The following FMR1 variants were observed in gnomAD, a reference collection of about 807,000 sequenced individuals.
FMR1 encodes the protein FMRP translational regulator 1.
Under a neutral mutation model 50.6 loss-of-function variants are expected in FMR1, and 13 were observed. The observed-to-expected ratio is 0.26, with a 90% CI of 0.17 to 0.41. FMR1 has a LOEUF of 0.41. FMR1 is among the 10% of genes least tolerant of loss of function. The pLI is 1.00. For missense variants in FMR1, 316 were observed against 491.3 expected, an observed-to-expected ratio of 0.64 and a Z score of 3.37; for synonymous variants, 138 against 164.1, an observed-to-expected ratio of 0.84 and a Z score of 1.22.
intron 13 of FMR1, among the ~76,000 whole-genome samples, chrX:147,940,888 C>T (rs782560187): frequency 9.0e-5 from 10 of 111,714 alleles, no homozygotes; most frequent in Admixed American, 3.8e-4. Flanking sequence ...TTTTATACTT[C>T]CCTTTATTCT....
intron 13 of FMR1, among the ~76,000 whole-genome samples, chrX:147,941,909 G>A (rs1267598767): frequency 8.9e-6 from 1 of 112,489 alleles, no homozygotes; most frequent in Admixed American, 9.4e-5. Flanking sequence ...GTTTGGGCCT[G>A]GCATCTCTCA....
At chrX:147,942,922 A>G (rs1017488084) in intron 13 of FMR1, among the ~76,000 whole-genome samples, 2 of 112,063 alleles carry the variant, frequency 1.8e-5, no homozygotes, top group Non-Finnish European at 3.8e-5. Context: ...TATATCTCTA[A>G]TTCTTGACAT....
intron 1 of FMR1, among the ~76,000 whole-genome samples, chrX:147,915,357 A>C (rs1334489965): frequency 8.9e-6 from 1 of 112,036 alleles, no homozygotes; most frequent in African/African-American, 3.2e-5. Flanking sequence ...ATAAGTTTAT[A>C]AATCAACTTG....
chrX:147,921,828 T>C (rs1045908892), intron 1 of FMR1, 105 bp from the exon 2 acceptor site: 22 of 530,080 alleles, frequency 4.2e-5, no homozygotes, highest in Admixed American at 1.2e-4. Context: ...TGAAGTTCTA[T>C]TTTATTCATA....
Position 147,949,172 on chromosome X carries a change from C to A in FMR1, c.*328C>A. ...TTTCCTGCATTGGGTGATCATTCAC[C>A]AGTACATTCTCAGTTTTTCTTAATA... On this transcript the variant is annotated 3_prime_UTR_variant, in exon 17 of 17. Coordinates refer to ENST00000370475, the MANE Select transcript of FMR1 (RefSeq NM_002024.6). 2.7e-6 allele frequency: 1 copy of A among 370,152 alleles called. No homozygotes were observed. The highest frequency in any genetic ancestry group is 7.2e-5 in the East Asian group (1 of 13,800). 30.5% of individuals were successfully genotyped at this position (370,152 alleles called of 1,213,427 possible).
rs142052787 is a variant in FMR1, at chrX:147,925,201, A to G, written c.105-339A>G. The G allele has an allele frequency of 1.5e-3, 297 of 199,575 alleles. 1 individual carries two copies. Among genetic ancestry groups the G allele is most frequent in the African/African-American group, 8.2e-3 (281 of 34,070 alleles). The allele number at this position is 199,575 out of a possible 1,213,427, so 16.4% of individuals were successfully genotyped here. On this transcript the variant is annotated intron_variant, in intron 2 of 16. Transcript: ENST00000370475. ...TAACAATTACTGGTACTAATATTCAAATATTGAAGGAAATTTCTGTTGTGG... is the reference window on the plus strand; with the variant it reads ...TAACAATTACTGGTACTAATATTCAGATATTGAAGGAAATTTCTGTTGTGG...
intron 1 of FMR1, among the ~76,000 whole-genome samples, chrX:147,916,271 T>A (rs1452012483): frequency 8.9e-6 from 1 of 112,501 alleles, no homozygotes; most frequent in East Asian, 2.8e-4. Context: ...TCTTTGCACA[T>A]GTCTCTGTTG....
rs2044279759 is a variant in FMR1, at chrX:147,949,862, TAGGA to T, written c.*1022_*1025del. 3.0e-6 allele frequency: 1 copy of T among 327,872 alleles called. No homozygotes were observed. Among genetic ancestry groups the T allele is most frequent in the Non-Finnish European group, 5.9e-6 (1 of 169,536 alleles). 27.0% of individuals were successfully genotyped at this position (327,872 alleles called of 1,213,427 possible). A position where few individuals can be genotyped will look rare whatever the true frequency, so the allele number is the denominator to read the frequency against. ...TAATTTCAAGCTTATTTTGGAGAGA[TAGGA>T]AGGTCATTTCCATGTATGCATAATA... is the stretch of plus-strand genomic sequence containing the variant. On this transcript the variant is annotated 3_prime_UTR_variant, in exon 17 of 17. Coordinates refer to ENST00000370475, the MANE Select transcript of FMR1 (RefSeq NM_002024.6).
intron 1 of FMR1, among the ~76,000 whole-genome samples, chrX:147,915,363 A>G (rs782711960): frequency 8.9e-5 from 10 of 112,118 alleles, no homozygotes; most frequent in African/African-American, 2.9e-4. Context: ...TTATAAATCA[A>G]CTTGGGTAAA....
chrX:147,937,766 A>G (rs25717), intron 11 of FMR1, among the ~76,000 whole-genome samples, 166 bp downstream of exon 11: 3 of 112,183 alleles, frequency 2.7e-5, no homozygotes, highest in South Asian at 3.7e-4. Flanking sequence ...AGTGTGATAC[A>G]TACTTTTCAA....
At position 147,950,637 on chromosome X, in the gene FMR1, A is replaced by C. The variant is rs1007544418; in HGVS notation, c.*1793A>C. The C allele has an allele frequency of 8.3e-5, 27 of 327,192 alleles. No homozygotes were observed. Among genetic ancestry groups the C allele is most frequent in the Non-Finnish European group, 1.3e-4 (22 of 169,109 alleles). 27.0% of individuals were successfully genotyped at this position (327,192 alleles called of 1,213,427 possible). On this transcript the variant is annotated 3_prime_UTR_variant, in exon 17 of 17. Transcript: ENST00000370475. ...AATAAAGTTTGATCTTCCTCTGCTA[A>C]ATTGATGTTGATGCAATCCTTACAA...
At chrX:147,940,176 AAAAC>A (rs1557180472) in intron 12 of FMR1, 3 of 112,886 alleles carry the variant, frequency 2.7e-5, no homozygotes, top group South Asian at 3.4e-4. Context: ...AAAAAAAAAA[AAAAC>A]AAAAAAGAAA....
At chrX:147,943,105 A>C in intron 13 of FMR1, 26 bp from the exon 14 acceptor site, 2 of 1,129,168 alleles carry the variant, frequency 1.8e-6, no homozygotes, top group Non-Finnish European at 2.4e-6. Context: ...AATTATTTTT[A>C]CTGTTATCTT....
Position 147,938,153 on chromosome X carries a change from G to A in FMR1, c.1180G>A (p.Ala394Thr). Residue 394 changes from alanine (A) to threonine (T), a missense_variant, in exon 12 of 17, where the codon GCT becomes ACT. Ala to Thr is a moderately conservative substitution (Grantham distance 58). Around this residue, in one of 4 missense-constraint regions of FMR1, gnomAD observed 53 missense variants for 51.5 expected, o/e 1.03. Coordinates refer to ENST00000370475, the MANE Select transcript of FMR1 (RefSeq NM_002024.6). ...GGAATCCCAGAAACCTGAACTCAAGGCTTGGCAGGTAGGAAAACATTCCTT... is the reference window on the plus strand; with the variant it reads ...GGAATCCCAGAAACCTGAACTCAAGACTTGGCAGGTAGGAAAACATTCCTT... ...AGESQKPELK[A>T]WQGMVPFVFV... 2 of 1,197,106 alleles carry A rather than the reference G, an allele frequency of 1.7e-6. No homozygotes were observed. Among genetic ancestry groups the A allele is most frequent in the Non-Finnish European group, 2.3e-6 (2 of 882,159 alleles).
intron 14 of FMR1, chrX:147,944,231 C>T: frequency 2.7e-6 from 2 of 751,225 alleles, no homozygotes; most frequent in Non-Finnish European, 1.6e-6. Context: ...AAGTCGTTAA[C>T]CCCTTCAGGC....
In FMR1 at chrX:147,948,897, C is replaced by T. The variant is rs782760083; in HGVS notation, c.*53C>T. The T allele has an allele frequency of 8.7e-7, 1 of 1,143,564 alleles. No homozygotes were observed. Among genetic ancestry groups the T allele is most frequent in the East Asian group, 3.0e-5 (1 of 33,453 alleles). The allele number at this position is 1,143,564 out of a possible 1,213,427, so 94.2% of individuals were successfully genotyped here. Reference sequence around the variant, plus strand: ...TATACCATTTCCGTAATTCTTATTCCATATTAGAAAACTTTGTTAGGCCAA... The same window carrying T: ...TATACCATTTCCGTAATTCTTATTCTATATTAGAAAACTTTGTTAGGCCAA... On this transcript the variant is annotated 3_prime_UTR_variant, in exon 17 of 17. Coordinates refer to ENST00000370475, the MANE Select transcript of FMR1 (RefSeq NM_002024.6).
intron 14 of FMR1, chrX:147,944,006 C>A: frequency 5.2e-6 from 1 of 192,918 alleles, no homozygotes; most frequent in Non-Finnish European, 7.9e-6. Context: ...TCAAGATCCA[C>A]AGGAATGAAG....
intron 16 of FMR1, 105 bp from the exon 17 acceptor site, chrX:147,948,578 T>C: frequency 4.2e-6 from 5 of 1,178,202 alleles, no homozygotes; most frequent in Non-Finnish European, 5.7e-6. Flanking sequence ...CCATTTCTCT[T>C]TTTAACATGT....
chrX:147,948,868 T>C lies in FMR1; in HGVS notation c.*24T>C. ...AAACTGCATAATTCTGAAGTTATAT[T>C]TCCTATACCATTTCCGTAATTCTTA... On this transcript the variant is annotated 3_prime_UTR_variant, in exon 17 of 17. Coordinates refer to ENST00000370475, the MANE Select transcript of FMR1 (RefSeq NM_002024.6). The C allele has an allele frequency of 8.4e-7, 1 of 1,194,553 alleles. No individual in the cohort carries two copies. Among genetic ancestry groups the C allele is most frequent in the South Asian group, 1.8e-5 (1 of 56,557 alleles).
Sources: allele counts gnomAD v4.1 joint callset (sites outside exome capture counted in the v4.1 genomes callset), GRCh38; gene constraint gnomAD v4.1.1; regional missense constraint gnomAD v4.1.1; transcripts MANE v1.5; gene names NCBI Gene and HGNC (gene_info 2026-07-23, HGNC 2026-07-21).